DICER1: variants seen among roughly 807,000 people sequenced by gnomAD.
DICER1 encodes endoribonuclease Dicer.
A neutral mutation model predicts 194.1 loss-of-function variants in DICER1; 43 were observed. That is an observed-to-expected ratio of 0.22 (90% CI 0.17 to 0.29). The LOEUF (loss-of-function observed/expected upper bound fraction) is 0.29. DICER1 is among the 10% of genes least tolerant of loss of function. The pLI is 1.00. For synonymous variants in DICER1, 832 were observed against 820.5 expected (o/e 1.01, Z -0.24); for missense variants, 1,608 against 2,317.0 (o/e 0.69, Z 6.28).
chr14:95,154,006 G>C (rs1566836123), intron 1 of DICER1, among the ~76,000 whole-genome samples: 1 of 152,206 alleles, frequency 6.6e-6, no homozygotes, highest in Non-Finnish European at 1.5e-5. Context: ...CTAAGCTCTT[G>C]AATGTCCAAA....
At position 95,106,130 on chromosome 14, in the gene DICER1, T is replaced by C. The variant is rs375772460; in HGVS notation, c.2898A>G (p.Glu966=). The change falls in exon 18 of 27, where the codon GAA becomes GAG. Residue 966 remains glutamate, a synonymous_variant. Transcript: ENST00000343455. ...TTGTTTTATAATATTCTGCAAAAGT[T>C]TCATACTCAGGGGAAGGAAATTTAC... The part of the protein sequence containing the change: ...PLSKFPSPEY[E]TFAEYYKTKY... The C allele has an allele frequency of 9.9e-6, 16 of 1,614,106 alleles. No individual in the cohort carries two copies. The African/African-American group carries it at 2.0e-4, about 20-fold the overall frequency.
intron 11 of DICER1, among the ~76,000 whole-genome samples, chr14:95,115,020 C>T (rs1892311714): frequency 6.6e-6 from 1 of 152,132 alleles, no homozygotes; most frequent in Non-Finnish European, 1.5e-5. Flanking sequence ...AAGGTAGATA[C>T]TTTGGCTACA....
At chr14:95,109,549 GAAA>G (rs1891764145) in intron 14 of DICER1, among the ~76,000 whole-genome samples, 1 of 152,148 alleles carries the variant, frequency 6.6e-6, no homozygotes, top group Non-Finnish European at 1.5e-5. Context: ...TATGCTTTTA[GAAA>G]CACTTATCAT....
At position 95,089,852 on chromosome 14, in the gene DICER1, T is replaced by A. The variant is rs1672899430; in HGVS notation, c.*646A>T. 1.3e-5 allele frequency: 3 copies of A among 232,550 alleles called. No homozygotes were observed. Among genetic ancestry groups the A allele is most frequent in the Non-Finnish European group, 1.7e-5 (2 of 117,526 alleles). 14.4% of individuals were successfully genotyped at this position (232,550 alleles called of 1,614,324 possible). A position where few individuals can be genotyped will look rare whatever the true frequency, so the allele number is the denominator to read the frequency against. On this transcript the variant is annotated 3_prime_UTR_variant, in exon 27 of 27. Transcript: ENST00000343455. ...CACTTTTAAGGCAAGAACCCTTTTT[T>A]ATGCAAGACTATGTGGCATCAGAAA...
intron 7 of DICER1, among the ~76,000 whole-genome samples, chr14:95,125,329 CCT>C (rs1264610687): frequency 2.0e-5 from 3 of 151,624 alleles, no homozygotes; most frequent in Non-Finnish European, 4.4e-5. Flanking sequence ...TCCAAAAGCC[CCT>C]GTTATCCGAT....
chr14:95,150,310 C>G (rs1299949115), intron 1 of DICER1, among the ~76,000 whole-genome samples: 1 of 152,158 alleles, frequency 6.6e-6, no homozygotes. Flanking sequence ...ATGGTGAAAC[C>G]CCGTCTCCAC....
At chr14:95,149,969 G>C (rs939386224) in intron 1 of DICER1, among the ~76,000 whole-genome samples, 1 of 152,204 alleles carries the variant, frequency 6.6e-6, no homozygotes, top group Non-Finnish European at 1.5e-5. Context: ...GTATCAGTTA[G>C]TGCAATGATA....
intron 3 of DICER1, 112 bp downstream of exon 3, chr14:95,132,403 T>G: frequency 8.6e-7 from 1 of 1,168,660 alleles, no homozygotes; most frequent in Non-Finnish European, 1.3e-6. Flanking sequence ...ATGAGTACAT[T>G]ATCTGTCAAA....
intron 11 of DICER1, 54 bp downstream of exon 11, chr14:95,115,613 A>G: frequency 6.3e-7 from 1 of 1,584,394 alleles, no homozygotes; most frequent in Non-Finnish European, 8.7e-7. Flanking sequence ...ACAGGTTTAG[A>G]CTTAAACTGT....
chr14:95,087,910 C>A lies in DICER1; in HGVS notation c.*2588G>T. Reference sequence around the variant, plus strand: ...TGGCACACAGGGCTCTAAAGTGGGGCAACATAGAGTGATTTTTTTTTTCCT... The same window carrying A: ...TGGCACACAGGGCTCTAAAGTGGGGAAACATAGAGTGATTTTTTTTTTCCT... On this transcript the variant is annotated 3_prime_UTR_variant, in exon 27 of 27. Coordinates refer to ENST00000343455, the MANE Select transcript of DICER1 (RefSeq NM_177438.3). 4.3e-6 allele frequency: 1 copy of A among 232,942 alleles called. No homozygotes were observed. Among genetic ancestry groups the A allele is most frequent in the Non-Finnish European group, 8.5e-6 (1 of 117,876 alleles). The allele number at this position is 232,942 out of a possible 1,614,324, so 14.4% of individuals were successfully genotyped here. A position where few individuals can be genotyped will look rare whatever the true frequency, so the allele number is the denominator to read the frequency against.
chr14:95,128,511 T>C (rs1283259315), intron 6 of DICER1, among the ~76,000 whole-genome samples: 1 of 152,228 alleles, frequency 6.6e-6, no homozygotes, highest in Non-Finnish European at 1.5e-5. Flanking sequence ...GTTTGATAGA[T>C]CCCAAATATT....
At chr14:95,127,700 G>A (rs952889432) in intron 6 of DICER1, among the ~76,000 whole-genome samples, 3 of 152,222 alleles carry the variant, frequency 2.0e-5, no homozygotes, top group African/African-American at 7.2e-5. Flanking sequence ...TGAATTTCGC[G>A]TTTTCAGATT....
At chr14:95,149,475 AT>A (rs1895369645) in intron 1 of DICER1, among the ~76,000 whole-genome samples, 1 of 152,240 alleles carries the variant, frequency 6.6e-6, no homozygotes, top group South Asian at 2.1e-4. Context: ...AAAAACCTCT[AT>A]CACTTTAGTC....
chr14:95,154,783 T>A (rs567757491), intron 1 of DICER1, among the ~76,000 whole-genome samples: 2 of 146,678 alleles, frequency 1.4e-5, no homozygotes, highest in Non-Finnish European at 3.0e-5. Context: ...TGGTAATGAC[T>A]AAAAACAATG....
intron 20 of DICER1, 138 bp downstream of exon 20, chr14:95,104,933 T>C: frequency 1.2e-6 from 1 of 828,116 alleles, no homozygotes; most frequent in African/African-American, 1.7e-5. Context: ...CCTCTGAGAC[T>C]TGACAAGACA....
At position 95,145,140 on chromosome 14, in the gene DICER1, C is replaced by T. The variant is rs148005965; in HGVS notation, c.-45-11637G>A. On this transcript the variant is annotated intron_variant, in intron 1 of 26. Transcript: ENST00000343455. The stretch of plus-strand genomic sequence containing the variant: ...GGATTTTACATCTTTTTCTTTGATG[C>T]CCCTGTGCGTGCAAAAATATTAACA... Among the ~76,000 whole-genome samples, 1,275 of 152,216 alleles carry T rather than the reference C, an allele frequency of 8.4e-3. 7 individuals are homozygous for T. Among genetic ancestry groups the T allele is most frequent in the Admixed American group, 0.023 (352 of 15,294 alleles).
chr14:95,095,941 T>A lies in DICER1; in HGVS notation c.4979A>T (p.Asn1660Ile). The stretch of plus-strand genomic sequence containing the variant: ...ATTTTCAAACCCCGATATAAGGTGA[T>A]TCAGTGTTTTATCTGCATCTGGATG... Reference protein sequence around the residue: ...FDHPDADKTLNHLISGFENFE... With the variant: ...FDHPDADKTLIHLISGFENFE... Residue 1660 changes from asparagine (N) to isoleucine (I), a missense_variant, in exon 23 of 27, where the codon AAT (asparagine) becomes ATT (isoleucine). Physicochemically the swap from Asn to Ile is moderately radical, Grantham distance 149 (BLOSUM62 -3). This residue lies in a region of DICER1 where 125 missense variants were observed against 134.9 expected (regional missense o/e 0.93). Coordinates refer to ENST00000343455, the MANE Select transcript of DICER1 (RefSeq NM_177438.3). The A allele has an allele frequency of 3.1e-6, 5 of 1,614,214 alleles. No individual in the cohort carries two copies. The highest frequency in any genetic ancestry group is 4.2e-6 in the Non-Finnish European group (5 of 1,180,024).
At chr14:95,095,764 C>G (rs544003072) in intron 23 of DICER1, 61 bp downstream of exon 23, 1 of 1,571,628 alleles carries the variant, frequency 6.4e-7, no homozygotes, top group Non-Finnish European at 8.7e-7. Flanking sequence ...AAGGCCAACA[C>G]GATGAGATCA....
rs528134689 is a variant in DICER1 at position 95,147,462 on chromosome 14, T to G, written c.-46+9768A>C. Among the ~76,000 whole-genome samples the G allele has an allele frequency of 2.4e-4, 37 of 152,186 alleles. 1 individual carries two copies. Among genetic ancestry groups the G allele is most frequent in the African/African-American group, 8.7e-4 (36 of 41,528 alleles). ...GACCCTGTCTCTAGAATGAATGAAT[T>G]AATGAGTAAAAACCTCCCCCGTTAA... On this transcript the variant is annotated intron_variant, in intron 1 of 26. Coordinates refer to ENST00000343455, the MANE Select transcript of DICER1 (RefSeq NM_177438.3).
Sources: gnomAD v4.1 joint callset for allele counts (sites outside exome capture counted in the v4.1 genomes callset) on GRCh38, gnomAD v4.1.1 for gene constraint, gnomAD v4.1.1 regional missense constraint, MANE v1.5 for transcripts, NCBI Gene and HGNC (gene_info 2026-07-23, HGNC 2026-07-21) for gene names.